FOXL2NB: variants seen among roughly 807,000 people sequenced by gnomAD.
FOXL2NB encodes the protein FOXL2 neighbor protein.
FOXL2NB carries 10 observed loss-of-function variants against 7.4 expected under a neutral mutation model. The observed-to-expected ratio is 1.34, with a 90% CI of 0.83 to 2.28. The LOEUF (loss-of-function observed/expected upper bound fraction) is 2.28. Among genes scored for constraint, FOXL2NB ranks in the 30% most tolerant of loss-of-function variants. The probability of loss-of-function intolerance (pLI) is 0.00; values close to 1 mark genes in which losing one functional copy is unlikely to be tolerated. For synonymous variants in FOXL2NB, 104 were observed against 105.3 expected (o/e 0.99, Z 0.08); for missense variants, 228 against 233.9 (o/e 0.97, Z 0.17).
chr3:138,949,408 G>GTC lies in FOXL2NB; in HGVS notation c.101-111_101-110insCT. 8.7e-7 allele frequency: 1 copy of GTC among 1,146,320 alleles called. No homozygotes were observed. The highest frequency in any genetic ancestry group is 1.4e-5 in the South Asian group (1 of 69,086). The allele number at this position is 1,146,320 out of a possible 1,614,324, so 71.0% of individuals were successfully genotyped here. On this transcript the variant is annotated intron_variant, in intron 1 of 2. Transcript: ENST00000383165. This position sits in a 1 kb window ranked among gnomAD's most constrained non-coding sequence, Gnocchi z 4.5. ...TGCATGTGCGTGTGTGTGTGTGTGT[G>GTC]TGTGTGTGTAGGGGTTGGGGGCAAA...
In FOXL2NB at chr3:138,947,700, G is replaced by A. The variant is rs1056900277; in HGVS notation, c.100+236G>A. ...CTGGGCTGGAATGGGGCAGGGGAGA[G>A]GATCTCTGGAAATAGTCGTCAGGGG... is the stretch of plus-strand genomic sequence containing the variant. On this transcript the variant is annotated intron_variant, in intron 1 of 2. Transcript: ENST00000383165. This position sits in a 1 kb window ranked among gnomAD's most constrained non-coding sequence, Gnocchi z 5.2. 3 of 1,266,620 alleles carry A rather than the reference G, an allele frequency of 2.4e-6. No individual in the cohort carries two copies. Among genetic ancestry groups the A allele is most frequent in the Non-Finnish European group, 3.0e-6 (3 of 1,007,144 alleles). 78.5% of individuals were successfully genotyped at this position (1,266,620 alleles called of 1,614,324 possible).
At position 138,947,294 on chromosome 3, in the gene FOXL2NB, G is replaced by A; in HGVS notation, c.-71G>A. The A allele has an allele frequency of 1.6e-6, 2 of 1,276,334 alleles. No individual in the cohort carries two copies. The highest frequency in any genetic ancestry group is 2.2e-6 in the Non-Finnish European group (2 of 914,984). 79.1% of individuals were successfully genotyped at this position (1,276,334 alleles called of 1,614,324 possible). On this transcript the variant is annotated 5_prime_UTR_variant, in exon 1 of 3. Transcript: ENST00000383165. The surrounding 1 kb of genome is among the most constrained non-coding windows in gnomAD (Gnocchi z 5.2). ...CTGCCCCCGCCCAGCGAGCCTCAGG[G>A]GCCCAGCCGACAGCCAGGCTCACGC...
chr3:138,950,356 G>C lies in FOXL2NB; in HGVS notation c.312G>C (p.Glu104Asp). Residue 104 changes from glutamate (E) to aspartate (D), a missense_variant, in exon 3 of 3, where the codon GAG becomes GAC. Physicochemically the swap from Glu to Asp is conservative, Grantham distance 45. Coordinates refer to ENST00000383165, the MANE Select transcript of FOXL2NB (RefSeq NM_001040061.3). ...TAGGGAAGCGTCGCGGCTGCTCTGA[G>C]GCAGGCAGCGCTTCGCTAGAACCAC... ...ALLGKRRGCS[E>D]AGSASLEPLS... is the part of the protein sequence containing the mutation. 6.2e-7 allele frequency: 1 copy of C among 1,611,780 alleles called. No individual in the cohort carries two copies. Among genetic ancestry groups the C allele is most frequent in the African/African-American group, 1.3e-5 (1 of 74,942 alleles).
At position 138,953,728 on chromosome 3, in the gene FOXL2NB, A is replaced by G. The variant is rs1471172489; in HGVS notation, c.*3156A>G. Among the ~76,000 whole-genome samples the G allele has an allele frequency of 6.6e-6, 1 of 151,222 alleles. No individual in the cohort carries two copies. The highest frequency in any genetic ancestry group is 1.5e-5 in the Non-Finnish European group (1 of 68,026). ...TCAATATTGCCTCAAAAGGGAAACCATATTTGGATTTCTATCACCATAAAT... is the reference window on the plus strand; with the variant it reads ...TCAATATTGCCTCAAAAGGGAAACCGTATTTGGATTTCTATCACCATAAAT... On this transcript the variant is annotated 3_prime_UTR_variant, in exon 3 of 3. Transcript: ENST00000383165.
Position 138,952,628 on chromosome 3 carries a change from C to T in FOXL2NB, c.*2056C>T, listed in dbSNP as rs1219087014. 2 of 151,800 alleles carry T rather than the reference C, an allele frequency of 1.3e-5. No individual in the cohort carries two copies. The highest frequency in any genetic ancestry group is 6.6e-5 in the Admixed American group (1 of 15,248). 9.4% of individuals were successfully genotyped at this position (151,800 alleles called of 1,614,324 possible). ...GCTCAAGTGATCCTCCCATCTCAGC[C>T]TCAGCCTCCCAAGTAGCTGGGACTA... On this transcript the variant is annotated 3_prime_UTR_variant, in exon 3 of 3. Coordinates refer to ENST00000383165, the MANE Select transcript of FOXL2NB (RefSeq NM_001040061.3).
Position 138,947,730 on chromosome 3 carries a change from G to A in FOXL2NB, c.100+266G>A. The A allele has an allele frequency of 8.3e-7, 1 of 1,205,920 alleles. No homozygotes were observed. Among genetic ancestry groups the A allele is most frequent in the Non-Finnish European group, 1.0e-6 (1 of 969,348 alleles). The allele number at this position is 1,205,920 out of a possible 1,614,324, so 74.7% of individuals were successfully genotyped here. ...TCTGGAAATAGTCGTCAGGGGCGCC[G>A]CCTGAATCACCTCTGCCTCTCCCTG... On this transcript the variant is annotated intron_variant, in intron 1 of 2. Transcript: ENST00000383165. The surrounding 1 kb of genome is among the most constrained non-coding windows in gnomAD (Gnocchi z 5.2).
In FOXL2NB at chr3:138,950,863, G is replaced by A. The variant is rs548985898; in HGVS notation, c.*291G>A. 4 of 422,384 alleles carry A rather than the reference G, an allele frequency of 9.5e-6. No individual in the cohort carries two copies. In the East Asian group the frequency reaches 2.0e-4, roughly 21 times the overall value. 26.2% of individuals were successfully genotyped at this position (422,384 alleles called of 1,614,324 possible). On this transcript the variant is annotated 3_prime_UTR_variant, in exon 3 of 3. Transcript: ENST00000383165. ...CAGACCCTAAGGCTTTTCACACGCTGCTCACTTTCGCATCTCACGGTGCAG... is the reference window on the plus strand; with the variant it reads ...CAGACCCTAAGGCTTTTCACACGCTACTCACTTTCGCATCTCACGGTGCAG...
In FOXL2NB at chr3:138,952,512, CTT is replaced by C. The variant is rs570190507; in HGVS notation, c.*1952_*1953del. 8.4e-5 allele frequency: 12 copies of C among 142,108 alleles called. No individual in the cohort carries two copies. The highest frequency in any genetic ancestry group is 1.7e-4 in the Non-Finnish European group (11 of 65,298). The allele number at this position is 142,108 out of a possible 1,614,324, so 8.8% of individuals were successfully genotyped here. The stretch of plus-strand genomic sequence containing the variant: ...GTGTGCACTATAACTTTATGAAACA[CTT>C]TTTTTTTTTTTGAGACAGGGTCTCA... On this transcript the variant is annotated 3_prime_UTR_variant, in exon 3 of 3. Coordinates refer to ENST00000383165, the MANE Select transcript of FOXL2NB (RefSeq NM_001040061.3).
At position 138,951,669 on chromosome 3, in the gene FOXL2NB, C is replaced by T. The variant is rs1477776010; in HGVS notation, c.*1097C>T. ...CTGCTGACAAGTTTCCTCTGATATC[C>T]CTCATGACATCTATGGCCCAAAGCC... On this transcript the variant is annotated 3_prime_UTR_variant, in exon 3 of 3. Coordinates refer to ENST00000383165, the MANE Select transcript of FOXL2NB (RefSeq NM_001040061.3). The T allele has an allele frequency of 1.3e-5, 2 of 152,236 alleles. No individual in the cohort carries two copies. The highest frequency in any genetic ancestry group is 4.8e-5 in the African/African-American group (2 of 41,454). The allele number at this position is 152,236 out of a possible 1,614,324, so 9.4% of individuals were successfully genotyped here.
intron 1 of FOXL2NB, chr3:138,948,046 G>C (rs1936026460): frequency 1.1e-6 from 1 of 922,796 alleles, no homozygotes; most frequent in Non-Finnish European, 1.3e-6. Flanking sequence ...GTATTTACGA[G>C]GTAAAACACA....
At position 138,949,269 on chromosome 3, in the gene FOXL2NB, T is replaced by C. The variant is rs1936065149; in HGVS notation, c.101-251T>C. On this transcript the variant is annotated intron_variant, in intron 1 of 2. Transcript: ENST00000383165. The surrounding 1 kb of genome is among the most constrained non-coding windows in gnomAD (Gnocchi z 4.5). ...CTTTCTTTCTTCTTCTCACAGGCATTTCCGCTGCTCAGCCCTGCAGCAGCC... is the reference window on the plus strand; with the variant it reads ...CTTTCTTTCTTCTTCTCACAGGCATCTCCGCTGCTCAGCCCTGCAGCAGCC... Among the ~76,000 whole-genome samples the C allele has an allele frequency of 6.6e-6, 1 of 152,058 alleles. No homozygotes were observed. Among genetic ancestry groups the C allele is most frequent in the South Asian group, 2.1e-4 (1 of 4,824 alleles).
In FOXL2NB at chr3:138,949,391, C is replaced by CGTGT. The variant is rs5852928; in HGVS notation, c.101-106_101-103dup. 25,054 of 816,694 alleles carry CGTGT rather than the reference C, an allele frequency of 0.031. 702 individuals carry two copies. Among genetic ancestry groups the CGTGT allele is most frequent in the Admixed American group, 0.22 (8,880 of 39,882 alleles). The allele number at this position is 816,694 out of a possible 1,614,324, so 50.6% of individuals were successfully genotyped here. On this transcript the variant is annotated intron_variant, in intron 1 of 2. Coordinates refer to ENST00000383165, the MANE Select transcript of FOXL2NB (RefSeq NM_001040061.3). The surrounding 1 kb of genome is among the most constrained non-coding windows in gnomAD (Gnocchi z 4.5). ...AAGAGCCTGTGTGTGTATGCATGTGCGTGTGTGTGTGTGTGTGTGTGTGTG... is the reference window on the plus strand; with the variant it reads ...AAGAGCCTGTGTGTGTATGCATGTGCGTGTGTGTGTGTGTGTGTGTGTGTGTGTG...
rs755525966 is a variant in FOXL2NB at position 138,947,511 on chromosome 3, G to A, written c.100+47G>A. The A allele has an allele frequency of 1.3e-6, 2 of 1,518,308 alleles. No homozygotes were observed. The highest frequency in any genetic ancestry group is 2.4e-5 in the South Asian group (2 of 82,338). 94.1% of individuals were successfully genotyped at this position (1,518,308 alleles called of 1,614,324 possible). On this transcript the variant is annotated intron_variant, in intron 1 of 2. Coordinates refer to ENST00000383165, the MANE Select transcript of FOXL2NB (RefSeq NM_001040061.3). This position sits in a 1 kb window ranked among gnomAD's most constrained non-coding sequence, Gnocchi z 5.2. ...GCTCTGCCGTTTGCTGCCGTCTTGA[G>A]GCTGAACTTCTAGCTCGGGGCTGGG...
chr3:138,952,356 G>A lies in FOXL2NB; in HGVS notation c.*1784G>A, dbSNP rs1458345701. 2 of 152,218 alleles carry A rather than the reference G, an allele frequency of 1.3e-5. No homozygotes were observed. The highest frequency in any genetic ancestry group is 1.3e-4 in the Admixed American group (2 of 15,284). The allele number at this position is 152,218 out of a possible 1,614,324, so 9.4% of individuals were successfully genotyped here. A position where few individuals can be genotyped will look rare whatever the true frequency, so the allele number is the denominator to read the frequency against. ...GCCATGGAGGAAGGCAGTTTTAGAT[G>A]CCTAGCTGGCACAAAGTCCAGAGGA... On this transcript the variant is annotated 3_prime_UTR_variant, in exon 3 of 3. Transcript: ENST00000383165.
rs1423194624 is a variant in FOXL2NB, at chr3:138,951,283, A to G, written c.*711A>G. ...AGAGAGAGAGATATTGAGGAAGAGGAAAGAGAAGCGACCTCCTACTCTGGG... is the reference window on the plus strand; with the variant it reads ...AGAGAGAGAGATATTGAGGAAGAGGGAAGAGAAGCGACCTCCTACTCTGGG... On this transcript the variant is annotated 3_prime_UTR_variant, in exon 3 of 3. Coordinates refer to ENST00000383165, the MANE Select transcript of FOXL2NB (RefSeq NM_001040061.3). 6.6e-6 allele frequency: 1 copy of G among 152,252 alleles called. No individual in the cohort carries two copies. Among genetic ancestry groups the G allele is most frequent in the Non-Finnish European group, 1.5e-5 (1 of 68,092 alleles). The allele number at this position is 152,252 out of a possible 1,614,324, so 9.4% of individuals were successfully genotyped here. A position where few individuals can be genotyped will look rare whatever the true frequency, so the allele number is the denominator to read the frequency against.
At chr3:138,950,060 T>A (rs1559924489) in intron 2 of FOXL2NB, 2 of 715,602 alleles carry the variant, frequency 2.8e-6, no homozygotes, top group Non-Finnish European at 5.0e-6. Flanking sequence ...TTTTCCAGGG[T>A]CCCGCAGCTG....
At position 138,950,621 on chromosome 3, in the gene FOXL2NB, T is replaced by C; in HGVS notation, c.*49T>C. 1 of 1,599,436 alleles carries C rather than the reference T, an allele frequency of 6.3e-7. No individual in the cohort carries two copies. On this transcript the variant is annotated 3_prime_UTR_variant, in exon 3 of 3. Coordinates refer to ENST00000383165, the MANE Select transcript of FOXL2NB (RefSeq NM_001040061.3). ...TCAACAACTGTCAGCACTCACTCCCTCCCGGCCCCTCACAGGGCCCTTTGC... is the reference window on the plus strand; with the variant it reads ...TCAACAACTGTCAGCACTCACTCCCCCCCGGCCCCTCACAGGGCCCTTTGC...
rs1936155802 is a variant in FOXL2NB at position 138,952,654 on chromosome 3, TG to T, written c.*2085del. On this transcript the variant is annotated 3_prime_UTR_variant, in exon 3 of 3. Transcript: ENST00000383165. ...TCAGCCTCCCAAGTAGCTGGGACTA[TG>T]GGTGTGAGCCAACACACTCAGCTAA... 1 of 151,480 alleles carries T rather than the reference TG, an allele frequency of 6.6e-6. No individual in the cohort carries two copies. The highest frequency in any genetic ancestry group is 2.1e-4 in the South Asian group (1 of 4,812). 9.4% of individuals were successfully genotyped at this position (151,480 alleles called of 1,614,324 possible). A position where few individuals can be genotyped will look rare whatever the true frequency, so the allele number is the denominator to read the frequency against.
rs1251885744 is a variant in FOXL2NB, at chr3:138,949,273, G to A, written c.101-247G>A. On this transcript the variant is annotated intron_variant, in intron 1 of 2. Transcript: ENST00000383165. This position sits in a 1 kb window ranked among gnomAD's most constrained non-coding sequence, Gnocchi z 4.5. ...CTTTCTTCTTCTCACAGGCATTTCC[G>A]CTGCTCAGCCCTGCAGCAGCCAGGT... Among the ~76,000 whole-genome samples the A allele has an allele frequency of 1.3e-5, 2 of 151,262 alleles. No individual in the cohort carries two copies. Among genetic ancestry groups the A allele is most frequent in the African/African-American group, 2.4e-5 (1 of 41,030 alleles).
Sources: gnomAD v4.1 joint callset for allele counts (sites outside exome capture counted in the v4.1 genomes callset) on GRCh38, gnomAD v4.1.1 for gene constraint, Gnocchi (gnomAD v3.1) non-coding constraint, MANE v1.5 for transcripts, NCBI Gene and HGNC (gene_info 2026-07-23, HGNC 2026-07-21) for gene names.